Variants in ABTB3 observed in about 807,000 individuals in gnomAD.
The protein encoded by ABTB3 is ankyrin repeat and BTB domain containing 3.
chr12:107,512,050 T>C, the ABTB3 span, among the ~76,000 whole-genome samples: 2 of 152,152 alleles, frequency 1.3e-5, no homozygotes, highest in Non-Finnish European at 2.9e-5. Flanking sequence ...GGTTTTCGCT[T>C]AATAACTACT....
chr12:107,387,972 CTTTTTT>C, the ABTB3 span, among the ~76,000 whole-genome samples: 3 of 120,180 alleles, frequency 2.5e-5, no homozygotes, highest in East Asian at 7.1e-4. Context: ...TCTTCTTCTT[CTTTTTT>C]TTTTTTTTTT....
the ABTB3 span, among the ~76,000 whole-genome samples, chr12:107,344,135 G>A: frequency 7.9e-5 from 12 of 152,276 alleles, no homozygotes; most frequent in African/African-American, 2.6e-4. Flanking sequence ...CATCACATGT[G>A]CATTTTAAGC....
chr12:107,384,421 G>A, the ABTB3 span, among the ~76,000 whole-genome samples: 1 of 152,164 alleles, frequency 6.6e-6, no homozygotes, highest in African/African-American at 2.4e-5. Flanking sequence ...AGAGCCAGTG[G>A]CATTGGCCCA....
chr12:107,611,980 TTTC>T, the ABTB3 span, among the ~76,000 whole-genome samples: 1 of 152,056 alleles, frequency 6.6e-6, no homozygotes, highest in Non-Finnish European at 1.5e-5. Flanking sequence ...TCATTTGTGA[TTTC>T]TTCCATTCCT....
the ABTB3 span, among the ~76,000 whole-genome samples, chr12:107,511,012 C>T: frequency 5.9e-5 from 9 of 152,082 alleles, no homozygotes; most frequent in East Asian, 3.9e-4. Flanking sequence ...TGCATCTACC[C>T]GAGAGAAGAG....
At chr12:107,548,355 C>T in the ABTB3 span, among the ~76,000 whole-genome samples, 136 of 152,314 alleles carry the variant, frequency 8.9e-4, 1 homozygote, top group Middle Eastern at 3.4e-3. Flanking sequence ...GCCCAACAGA[C>T]GGCCTGGGAA....
At chr12:107,491,741 T>C in the ABTB3 span, among the ~76,000 whole-genome samples, 1 of 149,848 alleles carries the variant, frequency 6.7e-6, no homozygotes, top group Non-Finnish European at 1.5e-5. Flanking sequence ...AAAATTTGAT[T>C]GAACTTGGTA....
At chr12:107,452,186 A>G in the ABTB3 span, among the ~76,000 whole-genome samples, 1 of 149,712 alleles carries the variant, frequency 6.7e-6, no homozygotes, top group South Asian at 2.1e-4. Context: ...AGATGAAAAG[A>G]TCTCTGCCCA....
At chr12:107,332,007 G>A in the ABTB3 span, among the ~76,000 whole-genome samples, 1 of 152,356 alleles carries the variant, frequency 6.6e-6, no homozygotes, top group East Asian at 1.9e-4. Flanking sequence ...CCAAGAGTGA[G>A]CTGGCACCTT....
chr12:107,655,741 C>T, the ABTB3 span, among the ~76,000 whole-genome samples: 2 of 152,300 alleles, frequency 1.3e-5, no homozygotes, highest in South Asian at 4.1e-4. Context: ...GCTTAGCCAG[C>T]TCTTTTTTCC....
chr12:107,608,877 TTAAAATAAAATAAAATAAATAAA>T, the ABTB3 span, among the ~76,000 whole-genome samples: 3,643 of 89,860 alleles, frequency 0.041, 310 homozygotes, highest in African/African-American at 0.12. Flanking sequence ...CCTCAAAAAT[TTAAAATAAAATAAAATAAATAAA>T]ATAAAATAAA....
chr12:107,604,968 G>C, the ABTB3 span, among the ~76,000 whole-genome samples: 28 of 152,294 alleles, frequency 1.8e-4, no homozygotes, highest in South Asian at 5.8e-3. Context: ...TTGTGACAAA[G>C]TCAATAAACC....
the ABTB3 span, among the ~76,000 whole-genome samples, chr12:107,521,238 C>T: frequency 2.7e-5 from 4 of 150,194 alleles, no homozygotes; most frequent in Non-Finnish European, 5.9e-5. Context: ...GACTGGCAGT[C>T]GCTGGTCACA....
chr12:107,522,358 T>A, the ABTB3 span, among the ~76,000 whole-genome samples: 2 of 152,134 alleles, frequency 1.3e-5, no homozygotes, highest in African/African-American at 2.4e-5. Flanking sequence ...TATATTTTTG[T>A]TTTTTAATAA....
At chr12:107,494,618 CT>C in the ABTB3 span, among the ~76,000 whole-genome samples, 3 of 152,206 alleles carry the variant, frequency 2.0e-5, no homozygotes, top group Non-Finnish European at 4.4e-5. Flanking sequence ...CTAAGCAACC[CT>C]GCCTCTGGCT....
chr12:107,548,953 C>A, the ABTB3 span, among the ~76,000 whole-genome samples: 1 of 152,126 alleles, frequency 6.6e-6, no homozygotes, highest in African/African-American at 2.4e-5. Flanking sequence ...CTGGTAATGC[C>A]TAGGGTAACT....
chr12:107,406,376 G>T, the ABTB3 span, among the ~76,000 whole-genome samples: 1 of 152,182 alleles, frequency 6.6e-6, no homozygotes, highest in East Asian at 1.9e-4. Context: ...ACTGTAGTGA[G>T]CTATGATCAC....
chr12:107,447,431 C>T, the ABTB3 span, among the ~76,000 whole-genome samples: 2 of 152,202 alleles, frequency 1.3e-5, no homozygotes, highest in African/African-American at 2.4e-5. Context: ...CTTGAGCTAC[C>T]TTGCCTGGCT....
At chr12:107,492,122 C>G in the ABTB3 span, among the ~76,000 whole-genome samples, 2 of 152,082 alleles carry the variant, frequency 1.3e-5, no homozygotes, top group African/African-American at 4.8e-5. Context: ...TGCAGCCTCA[C>G]GCTGATTCGC....
Sources: allele counts gnomAD v4.1 joint callset (sites outside exome capture counted in the v4.1 genomes callset), GRCh38; gene constraint gnomAD v4.1.1; transcripts MANE v1.5; gene names NCBI Gene and HGNC (gene_info 2026-07-23, HGNC 2026-07-21).